YAP1: variants seen among roughly 807,000 people sequenced by gnomAD.
YAP1 encodes Yes1 associated transcriptional regulator.
A neutral mutation model predicts 56.9 loss-of-function variants in YAP1; 5 were observed. The observed-to-expected ratio is 0.09, with a 90% CI of 0.05 to 0.18. The LOEUF (loss-of-function observed/expected upper bound fraction) is 0.18. Ranked by LOEUF, YAP1 falls within the 10% of genes least tolerant of loss-of-function variation. The pLI is 1.00. For synonymous variants in YAP1, 265 were observed against 248.1 expected (o/e 1.07, Z -0.64); for missense variants, 539 against 651.8 (o/e 0.83, Z 1.88).
intron 3 of YAP1, among the ~76,000 whole-genome samples, chr11:102,178,560 T>TA (rs1389759204): frequency 6.6e-6 from 1 of 152,240 alleles, no homozygotes; most frequent in East Asian, 1.9e-4. Flanking sequence ...TATTTCTTTT[T>TA]AAAATATCAC....
intron 4 of YAP1, among the ~76,000 whole-genome samples, chr11:102,200,097 T>G (rs1948774350): frequency 6.6e-6 from 1 of 152,244 alleles, no homozygotes; most frequent in Non-Finnish European, 1.5e-5. Context: ...CATATATACA[T>G]GTATATAACT....
chr11:102,117,883 T>C lies in YAP1; in HGVS notation c.572+3489T>C, dbSNP rs1178781821. Among the ~76,000 whole-genome samples the C allele has an allele frequency of 1.6e-4, 24 of 152,362 alleles. No individual in the cohort carries two copies. The South Asian group carries it at 3.5e-3, about 22-fold the overall frequency. On this transcript the variant is annotated intron_variant, in intron 2 of 8. Coordinates refer to ENST00000282441, the MANE Select transcript of YAP1 (RefSeq NM_001130145.3). ...ATTCTCTTTATGACTCTGAGAGTTA[T>C]TACCTTCTTCAGCTGTCTTACGGTT...
At chr11:102,167,449 T>C (rs145583513) in intron 3 of YAP1, among the ~76,000 whole-genome samples, 1 of 152,194 alleles carries the variant, frequency 6.6e-6, no homozygotes, top group Non-Finnish European at 1.5e-5. Flanking sequence ...AAGTTAAAAT[T>C]TATAGCTGGG....
At chr11:102,133,469 G>T (rs1944493674) in intron 2 of YAP1, among the ~76,000 whole-genome samples, 1 of 151,984 alleles carries the variant, frequency 6.6e-6, no homozygotes, top group Non-Finnish European at 1.5e-5. Context: ...GCTAATTTTT[G>T]TATTTTTTGT....
At chr11:102,129,525 C>T (rs1324972064) in intron 2 of YAP1, among the ~76,000 whole-genome samples, 4 of 149,714 alleles carry the variant, frequency 2.7e-5, no homozygotes, top group East Asian at 4.0e-4. Context: ...GGCTGAGGCA[C>T]GAGAATCTCT....
At position 102,114,266 on chromosome 11, in the gene YAP1, C is replaced by G. The variant is rs367960671; in HGVS notation, c.444C>G (p.Val148=). The change falls in exon 2 of 9, where the codon GTC becomes GTG. Residue 148 remains valine (V), a synonymous_variant. Coordinates refer to ENST00000282441, the MANE Select transcript of YAP1 (RefSeq NM_001130145.3). ...SPGTLTPTGV[V]SGPAATPTAQ... Reference sequence around the variant, plus strand: ...GGACACTGACCCCCACTGGAGTAGTCTCTGGCCCAGCAGCTACACCCACAG... The same window carrying G: ...GGACACTGACCCCCACTGGAGTAGTGTCTGGCCCAGCAGCTACACCCACAG... 1 of 1,614,054 alleles carries G rather than the reference C, an allele frequency of 6.2e-7. No homozygotes were observed. Among genetic ancestry groups the G allele is most frequent in the African/African-American group, 1.3e-5 (1 of 74,940 alleles).
Position 102,229,814 on chromosome 11 carries a change from G to A in YAP1, c.1389G>A (p.Met463Ile), listed in dbSNP as rs2135729591. 1 of 1,614,166 alleles carries A rather than the reference G, an allele frequency of 6.2e-7. No individual in the cohort carries two copies. Among genetic ancestry groups the A allele is most frequent in the Non-Finnish European group, 8.5e-7 (1 of 1,179,998 alleles). Reference protein sequence around the residue: ...VDLGTLEGDGMNIEGEELMPS... With the variant: ...VDLGTLEGDGINIEGEELMPS... ...TTGGAACACTGGAAGGAGATGGAATGAACATAGAAGGAGAGGAGCTGATGC... is the reference window on the plus strand; with the variant it reads ...TTGGAACACTGGAAGGAGATGGAATAAACATAGAAGGAGAGGAGCTGATGC... Residue 463 changes from methionine to isoleucine, a missense_variant, in exon 9 of 9, where the codon ATG becomes ATA. Physicochemically the swap from Met to Ile is conservative, Grantham distance 10. Around this residue, in one of 4 missense-constraint regions of YAP1, gnomAD observed 414 missense variants for 512.4 expected, o/e 0.81. Coordinates refer to ENST00000282441, the MANE Select transcript of YAP1 (RefSeq NM_001130145.3).
chr11:102,151,013 C>G (rs755850276), intron 2 of YAP1, among the ~76,000 whole-genome samples: 3 of 151,780 alleles, frequency 2.0e-5, no homozygotes, highest in Non-Finnish European at 2.9e-5. Context: ...GTTGGCCAGG[C>G]TGGTCTCAAA....
At position 102,232,996 on chromosome 11, in the gene YAP1, GTAAT is replaced by G. The variant is rs1950480978; in HGVS notation, c.*3062_*3065del. On this transcript the variant is annotated 3_prime_UTR_variant, in exon 9 of 9. Transcript: ENST00000282441. ...ATGGCAGAAAGACTGAAAAATAACAGTAATTAATTGTGTAATTCAGAATTCATAC... is the reference window on the plus strand; with the variant it reads ...ATGGCAGAAAGACTGAAAAATAACAGTAATTGTGTAATTCAGAATTCATAC... 6.6e-6 allele frequency: 1 copy of G among 152,200 alleles called. No individual in the cohort carries two copies. Among genetic ancestry groups the G allele is most frequent in the African/African-American group, 2.4e-5 (1 of 41,458 alleles). 9.4% of individuals were successfully genotyped at this position (152,200 alleles called of 1,614,324 possible).
At chr11:102,185,638 C>T (rs543686810) in intron 3 of YAP1, among the ~76,000 whole-genome samples, 1 of 152,078 alleles carries the variant, frequency 6.6e-6, no homozygotes, top group Admixed American at 6.5e-5. Flanking sequence ...ATTAATGAAC[C>T]TTGGTGTTCC....
chr11:102,151,588 T>G (rs1039226116), intron 2 of YAP1, among the ~76,000 whole-genome samples: 10 of 152,222 alleles, frequency 6.6e-5, no homozygotes, highest in Admixed American at 2.0e-4. Context: ...AGTTGTATCT[T>G]TATGGATCTT....
intron 2 of YAP1, among the ~76,000 whole-genome samples, chr11:102,121,886 A>C (rs1426015897): frequency 6.6e-6 from 1 of 152,104 alleles, no homozygotes; most frequent in Non-Finnish European, 1.5e-5. Context: ...CAGCTTCTAC[A>C]TCCCAGGCTT....
At chr11:102,121,922 T>A (rs1203216709) in intron 2 of YAP1, among the ~76,000 whole-genome samples, 1 of 152,114 alleles carries the variant, frequency 6.6e-6, no homozygotes, top group South Asian at 2.1e-4. Flanking sequence ...CTGAGCCTCC[T>A]GAGTAGCTGG....
intron 3 of YAP1, 110 bp downstream of exon 3, chr11:102,162,681 T>G (rs1302644688): frequency 9.9e-7 from 1 of 1,014,686 alleles, no homozygotes; most frequent in Non-Finnish European, 1.5e-6. Flanking sequence ...ATGGTGATGT[T>G]TATTGTCTCT....
intron 2 of YAP1, among the ~76,000 whole-genome samples, chr11:102,124,173 G>A (rs1027131658): frequency 6.6e-6 from 1 of 150,870 alleles, no homozygotes; most frequent in Admixed American, 6.6e-5. Context: ...GGTTGGTCTC[G>A]AACTCCTGAC....
intron 6 of YAP1, among the ~76,000 whole-genome samples, chr11:102,213,783 T>C (rs974067745): frequency 2.0e-5 from 3 of 152,026 alleles, no homozygotes; most frequent in Admixed American, 6.5e-5. Context: ...AGTGCCCTTA[T>C]GAGAATTCTT....
At chr11:102,184,076 CAAA>C (rs1226783169) in intron 3 of YAP1, among the ~76,000 whole-genome samples, 4 of 47,178 alleles carry the variant, frequency 8.5e-5, no homozygotes, top group African/African-American at 2.2e-4. Context: ...GACTCCGTCT[CAAA>C]AAAAAAAAAA....
chr11:102,183,437 TAAG>T (rs1016792306), intron 3 of YAP1, among the ~76,000 whole-genome samples: 7 of 152,130 alleles, frequency 4.6e-5, no homozygotes, highest in East Asian at 3.9e-4. Context: ...GAAAATATTT[TAAG>T]AAGAGAAACC....
intron 2 of YAP1, among the ~76,000 whole-genome samples, chr11:102,137,290 AAT>A (rs1474683550): frequency 6.6e-6 from 1 of 152,216 alleles, no homozygotes; most frequent in Non-Finnish European, 1.5e-5. Context: ...TTACTAAGAG[AAT>A]AGGGTATCAT....
Sources: gnomAD v4.1 joint callset for allele counts (sites outside exome capture counted in the v4.1 genomes callset) on GRCh38, gnomAD v4.1.1 for gene constraint, gnomAD v4.1.1 regional missense constraint, MANE v1.5 for transcripts, NCBI Gene and HGNC (gene_info 2026-07-23, HGNC 2026-07-21) for gene names.